The following ADAM22 variants were observed in gnomAD, a reference collection of about 807,000 sequenced individuals.
ADAM22 encodes disintegrin and metalloproteinase domain-containing protein 22.
In ADAM22, 65 loss-of-function variants were observed where a neutral mutation model predicts 144.6. The observed-to-expected ratio is 0.45, with a 90% CI of 0.37 to 0.55. The LOEUF (loss-of-function observed/expected upper bound fraction) is 0.55, where lower values mean the gene tolerates loss of function less well. Ranked by LOEUF, ADAM22 falls within the 20% of genes least tolerant of loss-of-function variation. The pLI, the probability that ADAM22 is intolerant of heterozygous loss-of-function variation, is 0.00. For missense variants in ADAM22, 974 were observed against 1,184.9 expected, an observed-to-expected ratio of 0.82 and a Z score of 2.61; for synonymous variants, 391 against 412.6, an observed-to-expected ratio of 0.95 and a Z score of 0.63.
chr7:88,080,135 T>C (rs1401474121), intron 4 of ADAM22, among the ~76,000 whole-genome samples: 1 of 152,146 alleles, frequency 6.6e-6, no homozygotes, highest in Non-Finnish European at 1.5e-5. Context: ...ACAGAAATTA[T>C]AACAAACTGT....
intron 2 of ADAM22, among the ~76,000 whole-genome samples, chr7:87,957,703 C>T (rs1244636279): frequency 6.6e-6 from 1 of 152,180 alleles, no homozygotes; most frequent in East Asian, 1.9e-4. Flanking sequence ...GCCTCTCAGC[C>T]TCCCGAGTAG....
chr7:88,033,690 A>T (rs1235342735), intron 3 of ADAM22, among the ~76,000 whole-genome samples: 1 of 152,174 alleles, frequency 6.6e-6, no homozygotes. Flanking sequence ...GGAGATCAGG[A>T]CCTGGAGTCA....
chr7:88,112,199 G>C (rs2299199), intron 5 of ADAM22, among the ~76,000 whole-genome samples: 71,634 of 152,006 alleles, frequency 0.47, 18,531 homozygotes, highest in East Asian at 0.9. Flanking sequence ...ATCTGTTTAT[G>C]TTTAAATTCC....
chr7:88,126,191 T>G (rs908297522), intron 8 of ADAM22, among the ~76,000 whole-genome samples: 2 of 152,024 alleles, frequency 1.3e-5, no homozygotes, highest in Non-Finnish European at 2.9e-5. Flanking sequence ...TTAAACCAAA[T>G]GAAGTCGGTA....
intron 29 of ADAM22, 80 bp from the exon 30 acceptor site, chr7:88,186,535 T>A: frequency 5.4e-6 from 5 of 934,572 alleles, no homozygotes; most frequent in Middle Eastern, 2.1e-4. Context: ...GGTGAAGACA[T>A]CCTTGCTAAG....
intron 7 of ADAM22, 99 bp from the exon 8 acceptor site, chr7:88,125,490 T>A: frequency 1.4e-6 from 1 of 721,636 alleles, no homozygotes; most frequent in South Asian, 1.7e-5. Context: ...ACATTATGTA[T>A]TATAAAATTC....
chr7:88,078,057 T>C lies in ADAM22; in HGVS notation c.390+2365T>C, dbSNP rs1815192428. On this transcript the variant is annotated intron_variant, in intron 4 of 31. Coordinates refer to ENST00000413139, the MANE Select transcript of ADAM22 (RefSeq NM_001324418.2). ...GGCAGAATGCCTCCTCAAGTGGGTC[T>C]GTGACCCCCGAGTAGCCTAACTGGG... Among the ~76,000 whole-genome samples the C allele has an allele frequency of 2.0e-5, 3 of 152,214 alleles. No homozygotes were observed. In the South Asian group the frequency reaches 6.2e-4, roughly 31 times the overall value.
chr7:87,960,693 T>C (rs1213266729), intron 2 of ADAM22, among the ~76,000 whole-genome samples: 5 of 152,236 alleles, frequency 3.3e-5, no homozygotes, highest in Non-Finnish European at 5.9e-5. Context: ...TAATAGACTT[T>C]GGTTCTTGTT....
rs558832754 is a variant in ADAM22 at position 88,043,833 on chromosome 7, C to T, written c.324-31793C>T. 9.2e-5 allele frequency among the ~76,000 whole-genome samples: 14 copies of T among 152,190 alleles called. No individual in the cohort carries two copies. In the South Asian group the frequency reaches 2.9e-3, roughly 32 times the overall value. On this transcript the variant is annotated intron_variant, in intron 3 of 31. Coordinates refer to ENST00000413139, the MANE Select transcript of ADAM22 (RefSeq NM_001324418.2). ...TTACATTATTTATTTCAGATACATC[C>T]ATGCAAATCCACACAAGTCCATATG...
At chr7:87,990,499 T>G (rs1447342394) in intron 3 of ADAM22, among the ~76,000 whole-genome samples, 1 of 152,168 alleles carries the variant, frequency 6.6e-6, no homozygotes, top group Non-Finnish European at 1.5e-5. Context: ...TCTACCCAGG[T>G]ATAGAACATT....
chr7:88,145,431 G>T lies in ADAM22; in HGVS notation c.1409G>T (p.Gly470Val). Residue 470 changes from glycine to valine, a missense_variant, in exon 17 of 32, where the codon GGA (glycine) becomes GTA (valine). This residue lies in a region of ADAM22 where 734 missense variants were observed against 950.6 expected (regional missense o/e 0.77). Transcript: ENST00000413139. ...CGTPAECVLEGAECCKKCTLT... is the reference protein window; with the variant it reads ...CGTPAECVLEVAECCKKCTLT... ...ATTCCTTAGGAATGTGTCCTTGAAG[G>T]AGCAGAGTGTTGTAAGAAATGCACC... 1.2e-6 allele frequency: 2 copies of T among 1,613,518 alleles called. No individual in the cohort carries two copies. Among genetic ancestry groups the T allele is most frequent in the South Asian group, 2.2e-5 (2 of 91,018 alleles).
intron 25 of ADAM22, 107 bp downstream of exon 25, chr7:88,168,334 A>G: frequency 8.8e-7 from 1 of 1,135,396 alleles, no homozygotes; most frequent in Non-Finnish European, 1.3e-6. Flanking sequence ...TATACTTGCA[A>G]TGAAAATCAG....
rs188238897 is a variant in ADAM22, at chr7:88,153,413, C to T, written c.1787+87C>T. 1,121 of 1,084,456 alleles carry T rather than the reference C, an allele frequency of 1.0e-3. 8 individuals carry two copies. In the Middle Eastern group the frequency reaches 0.012, roughly 12 times the overall value. 67.2% of individuals were successfully genotyped at this position (1,084,456 alleles called of 1,614,324 possible). A position where few individuals can be genotyped will look rare whatever the true frequency, so the allele number is the denominator to read the frequency against. On this transcript the variant is annotated intron_variant, in intron 21 of 31. Coordinates refer to ENST00000413139, the MANE Select transcript of ADAM22 (RefSeq NM_001324418.2). Reference sequence around the variant, plus strand: ...GTGACTAGGAAGTTTCTGCTTTCTGCATCACACAAAGTGTGCTCTTGCCTC... The same window carrying T: ...GTGACTAGGAAGTTTCTGCTTTCTGTATCACACAAAGTGTGCTCTTGCCTC...
intron 29 of ADAM22, among the ~76,000 whole-genome samples, chr7:88,182,851 C>A (rs1847418769): frequency 6.6e-6 from 1 of 152,100 alleles, no homozygotes; most frequent in Non-Finnish European, 1.5e-5. Context: ...TCTATTTTAT[C>A]CTTCCTAAAA....
At chr7:88,124,770 C>T (rs1190663503) in intron 7 of ADAM22, among the ~76,000 whole-genome samples, 9 of 151,946 alleles carry the variant, frequency 5.9e-5, no homozygotes, top group African/African-American at 2.2e-4. Context: ...AAAGAGAGAA[C>T]ACTAATTTCC....
Position 88,181,487 on chromosome 7 carries a change from C to G in ADAM22, c.2496-18C>G, listed in dbSNP as rs757621800. 9.4e-6 allele frequency: 15 copies of G among 1,602,524 alleles called. No homozygotes were observed. The South Asian group carries it at 1.7e-4, about 18-fold the overall frequency. ...TTGGTTACATTTTTGAACAATTTAT[C>G]AATATTTTCAATTTCAGGTCAAATG... On this transcript the variant is annotated intron_variant, in intron 27 of 31. Transcript: ENST00000413139.
chr7:88,090,619 C>T (rs1354630593), intron 4 of ADAM22, among the ~76,000 whole-genome samples: 1 of 152,028 alleles, frequency 6.6e-6, no homozygotes, highest in Admixed American at 6.6e-5. Context: ...TTAATGACTC[C>T]ATTCTCCCCT....
chr7:87,936,413 A>G (rs1302302991), intron 2 of ADAM22, among the ~76,000 whole-genome samples: 1 of 152,180 alleles, frequency 6.6e-6, no homozygotes, highest in Non-Finnish European at 1.5e-5. Context: ...CAGGGGCCAT[A>G]GTTTCCCTAT....
At chr7:87,972,961 T>A (rs1428447550) in intron 2 of ADAM22, among the ~76,000 whole-genome samples, 1 of 152,202 alleles carries the variant, frequency 6.6e-6, no homozygotes, top group Non-Finnish European at 1.5e-5. Flanking sequence ...ATTAAAGACT[T>A]AAATGGTAAA....
Sources: allele counts gnomAD v4.1 joint callset (sites outside exome capture counted in the v4.1 genomes callset), GRCh38; gene constraint gnomAD v4.1.1; regional missense constraint gnomAD v4.1.1; transcripts MANE v1.5; gene names NCBI Gene and HGNC (gene_info 2026-07-23, HGNC 2026-07-21).